Variants in CTIF observed in about 807,000 individuals in gnomAD.
The protein encoded by CTIF is CBP80/20-dependent translation initiation factor.
A neutral mutation model predicts 66.0 loss-of-function variants in CTIF; 21 were observed. That is an observed-to-expected ratio of 0.32 (90% CI 0.23 to 0.46). CTIF has a LOEUF of 0.46. CTIF is among the 20% of genes least tolerant of loss of function. The pLI is 1.00. For missense variants in CTIF, 739 were observed against 812.7 expected (o/e 0.91, Z 1.10); for synonymous variants, 345 against 326.4 (o/e 1.06, Z -0.62).
At position 48,567,100 on chromosome 18, in the gene CTIF, A is replaced by C. The variant is rs959874465; in HGVS notation, c.-29+27788A>C. ...GGGATATAGCAGGTGAACAGAAGAG[A>C]CAATAAATCTTGCCCTCATAGTCTA... On this transcript the variant is annotated intron_variant, in intron 1 of 11. Coordinates refer to ENST00000256413, the MANE Select transcript of CTIF (RefSeq NM_014772.3). 3.9e-5 allele frequency: 6 copies of C among 152,338 alleles called. No homozygotes were observed. In the South Asian group the frequency reaches 1.2e-3, roughly 32 times the overall value. 9.4% of individuals were successfully genotyped at this position (152,338 alleles called of 1,614,324 possible).
chr18:48,681,396 C>T (rs1207957193), intron 6 of CTIF, among the ~76,000 whole-genome samples: 1 of 152,186 alleles, frequency 6.6e-6, no homozygotes, highest in Non-Finnish European at 1.5e-5. Context: ...AAGGGGCTAC[C>T]TCCAGAGTGG....
At chr18:48,762,888 C>A (rs1909144800) in intron 9 of CTIF, among the ~76,000 whole-genome samples, 3 of 152,328 alleles carry the variant, frequency 2.0e-5, no homozygotes, top group Non-Finnish European at 4.4e-5. Flanking sequence ...CCATCCCCAC[C>A]CACCCTCTCC....
chr18:48,676,692 G>A (rs992706062), intron 6 of CTIF, among the ~76,000 whole-genome samples: 4 of 151,908 alleles, frequency 2.6e-5, no homozygotes, highest in Admixed American at 1.3e-4. Context: ...CTCAGGGGAC[G>A]GAAAGTGGCT....
chr18:48,684,358 C>T (rs1010259874), intron 6 of CTIF, among the ~76,000 whole-genome samples: 2 of 152,112 alleles, frequency 1.3e-5, no homozygotes, highest in Admixed American at 1.3e-4. Context: ...TCAAGTGACC[C>T]GTTCCATTCC....
intron 9 of CTIF, among the ~76,000 whole-genome samples, chr18:48,815,632 C>T (rs2068346865): frequency 6.6e-6 from 1 of 152,246 alleles, no homozygotes; most frequent in Non-Finnish European, 1.5e-5. Flanking sequence ...CAGGGCTTCT[C>T]AGCCAGCCCC....
chr18:48,784,650 G>A (rs1395971192), intron 9 of CTIF, among the ~76,000 whole-genome samples: 1 of 152,082 alleles, frequency 6.6e-6, no homozygotes, highest in East Asian at 1.9e-4. Context: ...GTGTCCTATT[G>A]GAGCCTCCTG....
intron 10 of CTIF, among the ~76,000 whole-genome samples, chr18:48,847,420 C>T (rs151164284): frequency 6.6e-6 from 1 of 152,262 alleles, no homozygotes; most frequent in Non-Finnish European, 1.5e-5. Flanking sequence ...GACTCTCCAG[C>T]ACCTTCCATT....
At chr18:48,730,202 G>T (rs2092426384) in intron 7 of CTIF, among the ~76,000 whole-genome samples, 1 of 150,172 alleles carries the variant, frequency 6.7e-6, no homozygotes, top group South Asian at 2.1e-4. Context: ...AGGTGTGAGG[G>T]GCTCCTGTGG....
At chr18:48,636,737 C>T in intron 3 of CTIF, 52 bp downstream of exon 3, 1 of 1,419,462 alleles carries the variant, frequency 7.0e-7, no homozygotes, top group Non-Finnish European at 9.4e-7. Flanking sequence ...TCTTGTCTGC[C>T]TGGGTTCCTG....
At chr18:48,677,291 G>A (rs969382334) in intron 6 of CTIF, among the ~76,000 whole-genome samples, 13 of 152,142 alleles carry the variant, frequency 8.5e-5, no homozygotes, top group Non-Finnish European at 1.3e-4. Context: ...ACGGAGGTGA[G>A]GTCTGACCTT....
chr18:48,706,566 A>C (rs1363228357), intron 6 of CTIF, among the ~76,000 whole-genome samples: 7 of 152,182 alleles, frequency 4.6e-5, no homozygotes, highest in African/African-American at 1.7e-4. Context: ...TAGGATTATT[A>C]ACTATCTGGG....
chr18:48,676,769 T>G (rs776805073), intron 6 of CTIF, among the ~76,000 whole-genome samples: 1 of 151,830 alleles, frequency 6.6e-6, no homozygotes, highest in African/African-American at 2.4e-5. Flanking sequence ...GAAGGGACAG[T>G]TCCTTCCTCG....
chr18:48,722,017 A>C (rs1211259966), intron 7 of CTIF, among the ~76,000 whole-genome samples: 2 of 152,138 alleles, frequency 1.3e-5, no homozygotes, highest in Non-Finnish European at 2.9e-5. Context: ...GTTCTGAAAG[A>C]CATGTTGGAG....
At chr18:48,659,019 G>T (rs1232469672) in intron 3 of CTIF, among the ~76,000 whole-genome samples, 1 of 152,196 alleles carries the variant, frequency 6.6e-6, no homozygotes, top group South Asian at 2.1e-4. Context: ...AAGCTCTGCA[G>T]GTGAGACTCT....
intron 7 of CTIF, among the ~76,000 whole-genome samples, chr18:48,722,742 G>A (rs2092351643): frequency 6.6e-6 from 1 of 151,908 alleles, no homozygotes; most frequent in Admixed American, 6.5e-5. Flanking sequence ...ACCCATCAGC[G>A]CTCACAGGTG....
intron 7 of CTIF, among the ~76,000 whole-genome samples, chr18:48,757,605 A>G (rs560404482): frequency 2.4e-4 from 36 of 152,288 alleles, no homozygotes; most frequent in African/African-American, 8.4e-4. Context: ...GTTCACTGTT[A>G]TCTGCTACTG....
intron 9 of CTIF, among the ~76,000 whole-genome samples, chr18:48,788,510 C>G (rs2067725456): frequency 7.2e-6 from 1 of 138,940 alleles, no homozygotes; most frequent in Admixed American, 7.5e-5. Context: ...CCTCCTATCT[C>G]CCTGTATCCC....
At chr18:48,788,153 G>C (rs761686761) in intron 9 of CTIF, among the ~76,000 whole-genome samples, 2 of 152,084 alleles carry the variant, frequency 1.3e-5, no homozygotes, top group African/African-American at 4.8e-5. Flanking sequence ...CTTTAGGCTG[G>C]GGGGAGAAGA....
intron 1 of CTIF, among the ~76,000 whole-genome samples, chr18:48,582,303 T>G (rs938210706): frequency 2.6e-5 from 4 of 151,774 alleles, no homozygotes; most frequent in African/African-American, 9.7e-5. Flanking sequence ...AGGGAGGTCA[T>G]GGACCACGCA....
Sources: gnomAD v4.1 joint callset for allele counts (sites outside exome capture counted in the v4.1 genomes callset) on GRCh38, gnomAD v4.1.1 for gene constraint, MANE v1.5 for transcripts, NCBI Gene and HGNC (gene_info 2026-07-23, HGNC 2026-07-21) for gene names.